PCDHGB4: variants seen among roughly 807,000 people sequenced by gnomAD.
The protein encoded by PCDHGB4 is protocadherin gamma-B4.
In PCDHGB4, 38 loss-of-function variants were observed where a neutral mutation model predicts 60.5. The observed-to-expected ratio is 0.63, with a 90% confidence interval of 0.48 to 0.82. The LOEUF is 0.82. PCDHGB4 is among the 40% of genes least tolerant of loss of function. The pLI is 0.00. For missense variants in PCDHGB4, 1,109 were observed against 1,209.6 expected (o/e 0.92, Z 1.23); for synonymous variants, 456 against 509.7 (o/e 0.89, Z 1.42).
In PCDHGB4 at chr5:141,389,284, C is replaced by G. The variant is rs1227474648; in HGVS notation, c.1400C>G (p.Ala467Gly). Residue 467 changes from alanine to glycine, a missense_variant, in exon 1 of 4, where the codon GCC becomes GGC. Ala to Gly is a moderately conservative substitution (Grantham distance 60). Transcript: ENST00000519479. ...VHVAENNPPG[A>G]SISQVRASDP... ...GTGGCCGAGAACAACCCGCCTGGAG[C>G]CTCTATTTCACAAGTCAGGGCTTCT... The G allele has an allele frequency of 1.1e-5, 17 of 1,613,930 alleles. No individual in the cohort carries two copies. The highest frequency in any genetic ancestry group is 1.7e-5 in the Admixed American group (1 of 60,018).
intron 1 of PCDHGB4, among the ~76,000 whole-genome samples, chr5:141,479,050 C>T (rs1484021560): frequency 6.6e-6 from 1 of 152,164 alleles, no homozygotes; most frequent in African/African-American, 2.4e-5. Context: ...ACCTCATTCT[C>T]AGATAATTTT....
At chr5:141,412,273 C>T (rs1007252273) in intron 1 of PCDHGB4, 4 of 152,206 alleles carry the variant, frequency 2.6e-5, no homozygotes, top group Admixed American at 6.5e-5. Flanking sequence ...ACTTTTAGTA[C>T]TTCAAATTCT....
Position 141,476,437 on chromosome 5 carries a change from TCTGGAGTTGGTAGTGGAGAACCC to T in PCDHGB4, c.2398-18369_2398-18347del. ...GGACACTGCCCTCTTGCACTGTAAC[TCTGGAGTTGGTAGTGGAGAACCC>T]GCTGGAGCTGTTCAGCGTGGAAGTG... On this transcript the variant is annotated intron_variant, in intron 1 of 3. Transcript: ENST00000519479. The surrounding 1 kb of genome is among the most constrained non-coding windows in gnomAD (Gnocchi z 7.6). 1 of 1,614,004 alleles carries T rather than the reference TCTGGAGTTGGTAGTGGAGAACCC, an allele frequency of 6.2e-7. No individual in the cohort carries two copies. The highest frequency in any genetic ancestry group is 2.2e-5 in the East Asian group (1 of 44,836).
rs2091116111 is a variant in PCDHGB4, at chr5:141,387,838, A to AG, written c.-47_-46insG. 1 of 1,598,608 alleles carries AG rather than the reference A, an allele frequency of 6.3e-7. No individual in the cohort carries two copies. The highest frequency in any genetic ancestry group is 1.3e-5 in the African/African-American group (1 of 74,526). On this transcript the variant is annotated 5_prime_UTR_variant, in exon 1 of 4. Coordinates refer to ENST00000519479, the MANE Select transcript of PCDHGB4 (RefSeq NM_003736.4). ...AATCTGCAATACAGAGGTTATTTGT[A>AG]ACCCGGCGTCTCCAGGCTGGTGAGC...
At chr5:141,394,108 T>C in intron 1 of PCDHGB4, 1 of 1,613,972 alleles carries the variant, frequency 6.2e-7, no homozygotes, top group Non-Finnish European at 8.5e-7. Context: ...ACACCACCTC[T>C]GTCCACTGAA....
At position 141,487,074 on chromosome 5, in the gene PCDHGB4, T is replaced by C; in HGVS notation, c.2398-7733T>C. The C allele has an allele frequency of 6.2e-7, 1 of 1,614,104 alleles. No homozygotes were observed. The highest frequency in any genetic ancestry group is 8.5e-7 in the Non-Finnish European group (1 of 1,179,978). Reference sequence around the variant, plus strand: ...GGGGAGGTGCGGACGGCTGTTCCTATCCCAGCTGACCTCCCACCACAGAAG... The same window carrying C: ...GGGGAGGTGCGGACGGCTGTTCCTACCCCAGCTGACCTCCCACCACAGAAG... On this transcript the variant is annotated intron_variant, in intron 1 of 3. Transcript: ENST00000519479. The surrounding 1 kb of genome is among the most constrained non-coding windows in gnomAD (Gnocchi z 5.0).
rs780578882 is a variant in PCDHGB4 at position 141,486,578 on chromosome 5, C to T, written c.2398-8229C>T. On this transcript the variant is annotated intron_variant, in intron 1 of 3. Coordinates refer to ENST00000519479, the MANE Select transcript of PCDHGB4 (RefSeq NM_003736.4). This position sits in a 1 kb window ranked among gnomAD's most constrained non-coding sequence, Gnocchi z 5.0. ...TGAGGTGTTTGTTCCTGAGAACAAT[C>T]GCCCAGGGGACCTGCTTTGCTCCCT... 1.6e-5 allele frequency: 26 copies of T among 1,613,728 alleles called. No homozygotes were observed. The highest frequency in any genetic ancestry group is 2.2e-5 in the South Asian group (2 of 91,072).
At chr5:141,410,508 G>C in intron 1 of PCDHGB4, 2 of 1,613,968 alleles carry the variant, frequency 1.2e-6, no homozygotes, top group Non-Finnish European at 8.5e-7. Flanking sequence ...TTCCTAAAAT[G>C]CAGTGTGCCC....
intron 1 of PCDHGB4, among the ~76,000 whole-genome samples, chr5:141,482,767 A>G (rs2099572087): frequency 6.6e-6 from 1 of 150,474 alleles, no homozygotes; most frequent in East Asian, 1.9e-4. Flanking sequence ...TTTCATTATC[A>G]CTGAACCTTA....
At chr5:141,420,250 A>G (rs757203976) in intron 1 of PCDHGB4, 2 of 1,578,784 alleles carry the variant, frequency 1.3e-6, no homozygotes, top group South Asian at 1.2e-5. Context: ...CCAGCGTTGA[A>G]GCAGATAAGA....
At chr5:141,415,879 T>C (rs1002596454) in intron 1 of PCDHGB4, 1 of 1,003,176 alleles carries the variant, frequency 1.0e-6, no homozygotes, top group African/African-American at 1.7e-5. Context: ...TTGAGTACAA[T>C]ATTGACAATT....
At chr5:141,393,458 G>C in intron 1 of PCDHGB4, 1 of 1,614,020 alleles carries the variant, frequency 6.2e-7, no homozygotes, top group Non-Finnish European at 8.5e-7. Flanking sequence ...TCACGGCCTC[G>C]GATGGCGGCA....
intron 3 of PCDHGB4, among the ~76,000 whole-genome samples, chr5:141,509,004 G>A (rs2099873761): frequency 6.6e-6 from 1 of 152,072 alleles, no homozygotes; most frequent in South Asian, 2.1e-4. Context: ...AGGAGAGGAG[G>A]AAGTGGGCAG....
chr5:141,479,676 G>A (rs2099503035), intron 1 of PCDHGB4: 1 of 152,242 alleles, frequency 6.6e-6, no homozygotes, highest in African/African-American at 2.4e-5. Context: ...CAAAAGGAGA[G>A]TCTTTTTGGT....
rs1266306917 is a variant in PCDHGB4 at position 141,403,005 on chromosome 5, C to A, written c.2397+12724C>A. ...CGCGGAAGATTAGTCCTGCTATGCTCGCTCCTGGGGATGCTATGGGAGGCC... is the reference window on the plus strand; with the variant it reads ...CGCGGAAGATTAGTCCTGCTATGCTAGCTCCTGGGGATGCTATGGGAGGCC... On this transcript the variant is annotated intron_variant, in intron 1 of 3. Transcript: ENST00000519479. The A allele has an allele frequency of 2.5e-6, 4 of 1,613,960 alleles. No homozygotes were observed. The East Asian group carries it at 8.9e-5, about 36-fold the overall frequency.
chr5:141,435,290 A>G (rs2097756551), intron 1 of PCDHGB4, among the ~76,000 whole-genome samples: 1 of 152,158 alleles, frequency 6.6e-6, no homozygotes, highest in African/African-American at 2.4e-5. Context: ...ATCCCAAGTC[A>G]TTTCATGGTT....
chr5:141,389,471 A>C lies in PCDHGB4; in HGVS notation c.1587A>C (p.Thr529=). Residue 529 remains threonine, a synonymous_variant, in exon 1 of 4, where the codon ACA becomes ACC. Transcript: ENST00000519479. ...DHEQLRAFEL[T]LQARDQGSPA... is the part of the protein sequence containing the mutation. Reference sequence around the variant, plus strand: ...AGCAGCTGCGCGCCTTCGAACTCACACTGCAGGCCCGCGACCAGGGCTCGC... The same window carrying C: ...AGCAGCTGCGCGCCTTCGAACTCACCCTGCAGGCCCGCGACCAGGGCTCGC... 1 of 1,613,210 alleles carries C rather than the reference A, an allele frequency of 6.2e-7. No individual in the cohort carries two copies. The highest frequency in any genetic ancestry group is 8.5e-7 in the Non-Finnish European group (1 of 1,179,832).
chr5:141,449,588 CAA>C (rs768743917), intron 1 of PCDHGB4, among the ~76,000 whole-genome samples: 5 of 57,502 alleles, frequency 8.7e-5, no homozygotes, highest in Admixed American at 1.8e-4. Flanking sequence ...GACTCTGTCT[CAA>C]AAAAAAAAAA....
chr5:141,419,756 G>C (rs1006926516), intron 1 of PCDHGB4: 10 of 1,613,890 alleles, frequency 6.2e-6, no homozygotes, highest in Admixed American at 1.7e-5. Flanking sequence ...GCGTGCTTTG[G>C]GTGACAAGGA....
Sources: allele counts gnomAD v4.1 joint callset (sites outside exome capture counted in the v4.1 genomes callset), GRCh38; gene constraint gnomAD v4.1.1; non-coding constraint Gnocchi (gnomAD v3.1); transcripts MANE v1.5; gene names NCBI Gene and HGNC (gene_info 2026-07-23, HGNC 2026-07-21).